ACTR10: variants seen among roughly 807,000 people sequenced by gnomAD.
ACTR10 encodes actin-related protein 10.
In ACTR10, 43 loss-of-function variants were observed where a neutral mutation model predicts 56.2. That is an observed-to-expected ratio of 0.77 (90% CI 0.60 to 0.99). The LOEUF (loss-of-function observed/expected upper bound fraction) is 0.99. ACTR10 is among the 50% of genes least tolerant of loss of function. ACTR10 has a pLI of 0.00. For missense variants in ACTR10, 466 were observed against 507.8 expected, an observed-to-expected ratio of 0.92 and a Z score of 0.79; for synonymous variants, 170 against 176.3, an observed-to-expected ratio of 0.96 and a Z score of 0.28.
At chr14:58,219,651 A>T in intron 7 of ACTR10, 43 bp from the exon 8 acceptor site, 2 of 1,298,336 alleles carry the variant, frequency 1.5e-6, no homozygotes, top group Non-Finnish European at 2.1e-6. Flanking sequence ...GACTGTTTTT[A>T]ATTATTAAAG....
chr14:58,208,924 A>T, intron 3 of ACTR10, 75 bp from the exon 4 acceptor site: 1 of 922,056 alleles, frequency 1.1e-6, no homozygotes, highest in Non-Finnish European at 1.7e-6. Context: ...GTACAGTTTC[A>T]CTGTTCTTAA....
At chr14:58,208,854 T>C in intron 3 of ACTR10, 145 bp from the exon 4 acceptor site, 1 of 554,952 alleles carries the variant, frequency 1.8e-6, no homozygotes, top group East Asian at 3.0e-5. Context: ...AGAAATGTTA[T>C]CTTTCTGGGG....
intron 12 of ACTR10, among the ~76,000 whole-genome samples, chr14:58,232,872 C>CTTTT (rs5808964): frequency 7.3e-6 from 1 of 136,350 alleles, no homozygotes; most frequent in Admixed American, 7.4e-5. Flanking sequence ...TTCTTTCTTT[C>CTTTT]TTTTTTTTTT....
chr14:58,210,311 T>C (rs1274923126), intron 4 of ACTR10, among the ~76,000 whole-genome samples: 1 of 152,130 alleles, frequency 6.6e-6, no homozygotes. Flanking sequence ...TATATTTTGT[T>C]CTTTGGTTTA....
chr14:58,214,624 G>A (rs1029264383), intron 6 of ACTR10, among the ~76,000 whole-genome samples: 1 of 151,222 alleles, frequency 6.6e-6, no homozygotes, highest in East Asian at 2.0e-4. Flanking sequence ...CCGAGTAGCT[G>A]GGACTACAGG....
chr14:58,232,508 C>T (rs928491807), intron 12 of ACTR10, among the ~76,000 whole-genome samples: 11 of 146,922 alleles, frequency 7.5e-5, no homozygotes, highest in African/African-American at 2.3e-4. Context: ...TTCCGCCTCC[C>T]GGGTTCAAGC....
intron 10 of ACTR10, among the ~76,000 whole-genome samples, chr14:58,226,750 G>A (rs1035243198): frequency 2.6e-5 from 4 of 151,976 alleles, no homozygotes; most frequent in Admixed American, 2.0e-4. Flanking sequence ...ACAGGCATGC[G>A]CACCATGCCC....
chr14:58,232,452 C>T (rs559731602), intron 12 of ACTR10, among the ~76,000 whole-genome samples, 185 bp downstream of exon 12: 4 of 119,058 alleles, frequency 3.4e-5, no homozygotes, highest in African/African-American at 1.3e-4. Flanking sequence ...CTCACTCTGT[C>T]GCCAGGCTGG....
chr14:58,232,195 A>G lies in ACTR10; in HGVS notation c.1000A>G (p.Lys334Glu). ...RYLVEKPKYK[K>E]ALGTKTFRIH... ...TTTGGTAGAAAAACCAAAATATAAA[A>G]AAGCACTTGGCACTAAGACATTTCG... Residue 334 changes from lysine to glutamate, a missense_variant, in exon 12 of 13, where the codon AAA becomes GAA. By Grantham distance (56) the Lys-to-Glu change is moderately conservative. Transcript: ENST00000254286. 1 of 1,613,938 alleles carries G rather than the reference A, an allele frequency of 6.2e-7. No homozygotes were observed. The highest frequency in any genetic ancestry group is 8.5e-7 in the Non-Finnish European group (1 of 1,179,958).
intron 10 of ACTR10, 152 bp downstream of exon 10, chr14:58,224,008 T>G: frequency 3.4e-6 from 1 of 296,904 alleles, no homozygotes; most frequent in Non-Finnish European, 5.8e-6. Flanking sequence ...TTTATTCAGC[T>G]TTTTTTTTTT....
intron 8 of ACTR10, 145 bp from the exon 9 acceptor site, chr14:58,223,477 T>C: frequency 1.4e-6 from 1 of 722,510 alleles, no homozygotes; most frequent in South Asian, 2.0e-5. Flanking sequence ...GTTAGCTAAC[T>C]AAAGATGGGA....
At chr14:58,222,850 C>A (rs1044809628) in intron 8 of ACTR10, among the ~76,000 whole-genome samples, 1 of 144,836 alleles carries the variant, frequency 6.9e-6, no homozygotes, top group Non-Finnish European at 1.5e-5. Flanking sequence ...TTTCCAATTT[C>A]TTTTTGGTAA....
At chr14:58,204,748 A>G (rs1317427384) in intron 2 of ACTR10, among the ~76,000 whole-genome samples, 1 of 152,060 alleles carries the variant, frequency 6.6e-6, no homozygotes, top group African/African-American at 2.4e-5. Context: ...CACTTTTCTT[A>G]TGAATAGATC....
intron 11 of ACTR10, 82 bp from the exon 12 acceptor site, chr14:58,231,983 AT>A (rs1184528317): frequency 2.6e-5 from 21 of 808,090 alleles, no homozygotes; most frequent in Non-Finnish European, 4.0e-5. Context: ...ATAATAGTAT[AT>A]TTATGTATAT....
chr14:58,219,807 A>T, intron 8 of ACTR10, 78 bp downstream of exon 8: 1 of 853,450 alleles, frequency 1.2e-6, no homozygotes. Flanking sequence ...ACATTTACAC[A>T]GATAGAAAAT....
At chr14:58,218,244 A>G (rs1889182735) in intron 7 of ACTR10, among the ~76,000 whole-genome samples, 1 of 152,200 alleles carries the variant, frequency 6.6e-6, no homozygotes, top group Non-Finnish European at 1.5e-5. Flanking sequence ...GCAGGTTCTT[A>G]CAGTCAAGTT....
intron 6 of ACTR10, 66 bp downstream of exon 6, chr14:58,213,764 G>T: frequency 2.4e-6 from 3 of 1,257,460 alleles, no homozygotes; most frequent in Non-Finnish European, 3.4e-6. Flanking sequence ...TAATCTGTTT[G>T]TTGATCAGTG....
chr14:58,232,566 C>T (rs570391196), intron 12 of ACTR10, among the ~76,000 whole-genome samples: 3 of 151,874 alleles, frequency 2.0e-5, no homozygotes, highest in Non-Finnish European at 4.4e-5. Context: ...CAGGCGTGCA[C>T]CACCACGCCC....
Position 58,235,375 on chromosome 14 carries a change from G to A in ACTR10, c.*824G>A, listed in dbSNP as rs1323400198. On this transcript the variant is annotated 3_prime_UTR_variant, in exon 13 of 13. Transcript: ENST00000254286. The stretch of plus-strand genomic sequence containing the variant: ...TGAGAATGTTTGGTAACATAGTCAA[G>A]CATTTGTTAAGCCAAGTGTGGAAAT... 1.3e-5 allele frequency: 2 copies of A among 151,780 alleles called. No individual in the cohort carries two copies. Among genetic ancestry groups the A allele is most frequent in the Non-Finnish European group, 2.9e-5 (2 of 67,974 alleles). The allele number at this position is 151,780 out of a possible 1,614,324, so 9.4% of individuals were successfully genotyped here. A position where few individuals can be genotyped will look rare whatever the true frequency, so the allele number is the denominator to read the frequency against.
Sources: allele counts gnomAD v4.1 joint callset (sites outside exome capture counted in the v4.1 genomes callset), GRCh38; gene constraint gnomAD v4.1.1; transcripts MANE v1.5; gene names NCBI Gene and HGNC (gene_info 2026-07-23, HGNC 2026-07-21).